The following CDH11 variants were observed in gnomAD, a reference collection of about 807,000 sequenced individuals.
CDH11 encodes cadherin 11.
Under a neutral mutation model 67.8 loss-of-function variants are expected in CDH11, and 11 were observed. The observed-to-expected ratio is 0.16, with a 90% confidence interval of 0.10 to 0.27. CDH11 has a LOEUF of 0.27. Among genes scored for constraint, CDH11 ranks in the 10% least tolerant of loss-of-function variants. The probability of loss-of-function intolerance (pLI) is 1.00; values close to 1 mark genes in which losing one functional copy is unlikely to be tolerated. For missense variants in CDH11, 847 were observed against 1,031.2 expected (o/e 0.82, Z 2.45); for synonymous variants, 419 against 400.0 (o/e 1.05, Z -0.57).
intron 3 of CDH11, among the ~76,000 whole-genome samples, chr16:65,000,668 G>T (rs1394342022): frequency 6.6e-6 from 1 of 152,010 alleles, no homozygotes; most frequent in African/African-American, 2.4e-5. Flanking sequence ...AATTAACCAG[G>T]CATGATAGCT....
intron 1 of CDH11, among the ~76,000 whole-genome samples, chr16:65,086,828 AGG>A: frequency 6.6e-6 from 1 of 152,212 alleles, no homozygotes; most frequent in African/African-American, 2.4e-5. Context: ...AAAAGGCAAT[AGG>A]TCCTACAGCC....
chr16:64,958,732 G>A (rs2071589441), intron 11 of CDH11, among the ~76,000 whole-genome samples: 1 of 152,066 alleles, frequency 6.6e-6, no homozygotes, highest in African/African-American at 2.4e-5. Flanking sequence ...ACAATAGGTT[G>A]GTTAATTAGT....
chr16:64,989,647 C>T (rs1246931539), intron 6 of CDH11, among the ~76,000 whole-genome samples: 3 of 152,130 alleles, frequency 2.0e-5, no homozygotes, highest in African/African-American at 2.4e-5. Flanking sequence ...GGCCAAATTG[C>T]GTAAAATAGA....
chr16:65,106,632 T>C (rs1361013639), intron 1 of CDH11, among the ~76,000 whole-genome samples: 1 of 152,202 alleles, frequency 6.6e-6, no homozygotes, highest in African/African-American at 2.4e-5. Context: ...TACCTATTGA[T>C]GGACAAAAAC....
chr16:65,048,816 T>C (rs2074006780), intron 2 of CDH11, among the ~76,000 whole-genome samples: 1 of 152,122 alleles, frequency 6.6e-6, no homozygotes. Context: ...TTCTTTTTTA[T>C]GGCTGTATGG....
intron 11 of CDH11, chr16:64,968,450 G>C: frequency 1.0e-6 from 1 of 983,304 alleles, no homozygotes; most frequent in Non-Finnish European, 1.2e-6. Context: ...GGGCAGACAT[G>C]CTCTTCATCT....
At chr16:65,046,567 C>T (rs1817193322) in intron 2 of CDH11, among the ~76,000 whole-genome samples, 1 of 152,206 alleles carries the variant, frequency 6.6e-6, no homozygotes, top group Non-Finnish European at 1.5e-5. Context: ...AGGAACTGCA[C>T]TCTGGTCTCC....
chr16:65,033,882 C>T (rs546994455), intron 2 of CDH11, among the ~76,000 whole-genome samples: 81 of 152,130 alleles, frequency 5.3e-4, no homozygotes, highest in African/African-American at 1.7e-3. Flanking sequence ...CTCCAGGTGG[C>T]GGCATGGTAT....
chr16:64,958,186 G>GGCATTTAGGCAACA lies in CDH11; in HGVS notation c.1643-7169_1643-7168insTGTTGCCTAAATGC, dbSNP rs1239325091. The stretch of plus-strand genomic sequence containing the variant: ...TCGTCTTTGTGCATTTAGGCATTTA[G>GGCATTTAGGCAACA]CACTGTTGTGTGTGTTGACAGAATA... On this transcript the variant is annotated intron_variant, in intron 11 of 12. Transcript: ENST00000268603. 2.0e-5 allele frequency among the ~76,000 whole-genome samples: 3 copies of GGCATTTAGGCAACA among 152,162 alleles called. No individual in the cohort carries two copies. The East Asian group carries it at 5.8e-4, about 29-fold the overall frequency.
At chr16:65,071,711 A>G (rs1324596101) in intron 1 of CDH11, among the ~76,000 whole-genome samples, 1 of 152,180 alleles carries the variant, frequency 6.6e-6, no homozygotes, top group Non-Finnish European at 1.5e-5. Flanking sequence ...TGACATGCGG[A>G]TCAACAGTCC....
At chr16:65,062,433 G>T (rs966518197) in intron 1 of CDH11, among the ~76,000 whole-genome samples, 1 of 152,022 alleles carries the variant, frequency 6.6e-6, no homozygotes, top group Admixed American at 6.6e-5. Flanking sequence ...ACAGCCTCCC[G>T]CTATCTTTCC....
At chr16:65,098,515 A>AGTGTGTGT (rs35258390) in intron 1 of CDH11, among the ~76,000 whole-genome samples, 4 of 148,438 alleles carry the variant, frequency 2.7e-5, no homozygotes, top group African/African-American at 9.9e-5. Flanking sequence ...TGTGTCTTCA[A>AGTGTGTGT]GTGTGTGTGT....
rs2075322638 is a variant in CDH11, at chr16:65,121,163, A to G, written c.-298+717T>C. On this transcript the variant is annotated intron_variant, in intron 1 of 12. Transcript: ENST00000268603. The surrounding 1 kb of genome is among the most constrained non-coding windows in gnomAD (Gnocchi z 4.1). ...GAGCCCGAGTCTGGGCCGCTCATGG[A>G]CCTACTCCTGCGCTGGTGGGAGCTT... 6.6e-6 allele frequency among the ~76,000 whole-genome samples: 1 copy of G among 152,102 alleles called. No homozygotes were observed. Among genetic ancestry groups the G allele is most frequent in the Non-Finnish European group, 1.5e-5 (1 of 68,026 alleles).
rs887386693 is a variant in CDH11 at position 65,032,166 on chromosome 16, G to C, written c.-173+21638C>G. Reference sequence around the variant, plus strand: ...TGATACTGAATCTTTACAGTCTTGTGAGGCAGGGATAATTCCTAAACTGGC... The same window carrying C: ...TGATACTGAATCTTTACAGTCTTGTCAGGCAGGGATAATTCCTAAACTGGC... On this transcript the variant is annotated intron_variant, in intron 2 of 12. Transcript: ENST00000268603. Among the ~76,000 whole-genome samples, 6 of 152,062 alleles carry C rather than the reference G, an allele frequency of 3.9e-5. No homozygotes were observed. In the East Asian group the frequency reaches 1.2e-3, roughly 29 times the overall value.
rs552869193 is a variant in CDH11 at position 65,090,426 on chromosome 16, C to A, written c.-298+31454G>T. On this transcript the variant is annotated intron_variant, in intron 1 of 12. Transcript: ENST00000268603. ...ACCACCACCAACAGCAAGAAAATAA[C>A]AAGTCTTGGTCCAATCCTTTCTTAA... Among the ~76,000 whole-genome samples, 5 of 152,250 alleles carry A rather than the reference C, an allele frequency of 3.3e-5. No homozygotes were observed. The East Asian group carries it at 9.7e-4, about 29-fold the overall frequency.
chr16:65,123,554 GC>G (rs533892244), upstream of CDH11: 94 of 152,290 alleles, frequency 6.2e-4, no homozygotes, highest in African/African-American at 2.2e-3. Context: ...GCCGAGCCCT[GC>G]CCTCCAGCTC....
At chr16:64,996,123 A>AGG (rs2072756751) in intron 4 of CDH11, among the ~76,000 whole-genome samples, 1 of 152,180 alleles carries the variant, frequency 6.6e-6, no homozygotes, top group African/African-American at 2.4e-5. Flanking sequence ...AAGGGAACAC[A>AGG]TATACACTGC....
chr16:64,981,810 C>G, intron 8 of CDH11: 1 of 377,504 alleles, frequency 2.6e-6, no homozygotes. Flanking sequence ...ACCTAGTATG[C>G]CTGGGGGAAT....
chr16:65,050,409 C>A (rs2142707254), intron 2 of CDH11, among the ~76,000 whole-genome samples: 1 of 152,300 alleles, frequency 6.6e-6, no homozygotes, highest in Non-Finnish European at 1.5e-5. Context: ...CCATAAACTC[C>A]TTGAGGAAAG....
Sources: gnomAD v4.1 joint callset for allele counts (sites outside exome capture counted in the v4.1 genomes callset) on GRCh38, gnomAD v4.1.1 for gene constraint, Gnocchi (gnomAD v3.1) non-coding constraint, MANE v1.5 for transcripts, NCBI Gene and HGNC (gene_info 2026-07-23, HGNC 2026-07-21) for gene names.